The following PKHD1 variants were observed in gnomAD, a reference collection of about 807,000 sequenced individuals.
PKHD1 encodes fibrocystin.
Under a neutral mutation model 412.0 loss-of-function variants are expected in PKHD1, and 291 were observed. That is an observed-to-expected ratio of 0.71 (90% CI 0.64 to 0.78). The LOEUF (loss-of-function observed/expected upper bound fraction) is 0.78, where lower values mean the gene tolerates loss of function less well. Ranked by LOEUF, PKHD1 falls within the 30% of genes least tolerant of loss-of-function variation. The pLI, the probability that PKHD1 is intolerant of heterozygous loss-of-function variation, is 0.00. For missense variants in PKHD1, 4,825 were observed against 4,950.7 expected (o/e 0.97, Z 0.76); for synonymous variants, 1,777 against 1,821.5 (o/e 0.98, Z 0.62).
At chr6:51,679,120 T>C (rs552339952) in intron 60 of PKHD1, among the ~76,000 whole-genome samples, 7 of 152,096 alleles carry the variant, frequency 4.6e-5, no homozygotes, top group Non-Finnish European at 8.8e-5. Flanking sequence ...CTGCGCCATA[T>C]GTGACCATTT....
chr6:51,746,083 T>C (rs528298180), intron 59 of PKHD1, among the ~76,000 whole-genome samples: 102 of 152,322 alleles, frequency 6.7e-4, no homozygotes, highest in Non-Finnish European at 3.7e-4. Flanking sequence ...TCTAACTTTC[T>C]ACTCTCTTTC....
At chr6:51,817,064 C>T (rs955409320) in intron 52 of PKHD1, among the ~76,000 whole-genome samples, 3 of 110,222 alleles carry the variant, frequency 2.7e-5, no homozygotes, top group African/African-American at 1.1e-4. Flanking sequence ...AAGAGAGAGT[C>T]ATGGGGCTTC....
chr6:51,880,756 T>TA (rs1223670663), intron 46 of PKHD1, among the ~76,000 whole-genome samples: 3 of 36,376 alleles, frequency 8.2e-5, no homozygotes, highest in African/African-American at 2.9e-4. Flanking sequence ...CCCTAAAACT[T>TA]AGAGTATAAT....
rs1776849597 is a variant in PKHD1, at chr6:51,682,667, T to A, written c.10157-22698A>T. 1.3e-5 allele frequency among the ~76,000 whole-genome samples: 2 copies of A among 152,042 alleles called. 1 individual carries two copies. Among genetic ancestry groups the A allele is most frequent in the South Asian group, 4.1e-4 (2 of 4,828 alleles). ...GTGAACAGCTTGCCTCTGCTTCTGCTTTTTGGAGGCAGAAAGTGATGGAGA... is the reference window on the plus strand; with the variant it reads ...GTGAACAGCTTGCCTCTGCTTCTGCATTTTGGAGGCAGAAAGTGATGGAGA... On this transcript the variant is annotated intron_variant, in intron 60 of 66. Transcript: ENST00000371117.
intron 52 of PKHD1, among the ~76,000 whole-genome samples, chr6:51,812,479 G>C (rs1288217170): frequency 6.6e-6 from 1 of 152,086 alleles, no homozygotes; most frequent in Non-Finnish European, 1.5e-5. Flanking sequence ...TCCTGCCTTT[G>C]GAATTTAGGT....
In PKHD1 at chr6:51,946,902, G is replaced by A. The variant is rs555771442; in HGVS notation, c.5909-12580C>T. 3.1e-4 allele frequency among the ~76,000 whole-genome samples: 47 copies of A among 152,240 alleles called. 1 individual carries two copies. In the South Asian group the frequency reaches 9.7e-3, roughly 32 times the overall value. Reference sequence around the variant, plus strand: ...CTGCTTTTGGCTAACCCAACAATTAGTCATCCTCTATAATAACCACAAAAT... The same window carrying A: ...CTGCTTTTGGCTAACCCAACAATTAATCATCCTCTATAATAACCACAAAAT... On this transcript the variant is annotated intron_variant, in intron 36 of 66. Coordinates refer to ENST00000371117, the MANE Select transcript of PKHD1 (RefSeq NM_138694.4).
At chr6:51,958,572 A>G (rs1225243684) in intron 36 of PKHD1, among the ~76,000 whole-genome samples, 1 of 152,086 alleles carries the variant, frequency 6.6e-6, no homozygotes, top group Non-Finnish European at 1.5e-5. Context: ...TAGTAATCCA[A>G]GACTTTCAGC....
At chr6:51,873,105 G>A (rs1200555343) in intron 46 of PKHD1, among the ~76,000 whole-genome samples, 1 of 151,862 alleles carries the variant, frequency 6.6e-6, no homozygotes, top group Non-Finnish European at 1.5e-5. Context: ...TTGTTGCTTG[G>A]CATTATCCAC....
rs77486353 is a variant in PKHD1 at position 51,709,385 on chromosome 6, G to A, written c.10156+35000C>T. Among the ~76,000 whole-genome samples the A allele has an allele frequency of 2.8e-3, 420 of 152,250 alleles. 7 individuals carry two copies. Among genetic ancestry groups the A allele is most frequent in the East Asian group, 0.017 (88 of 5,180 alleles). On this transcript the variant is annotated intron_variant, in intron 60 of 66. Transcript: ENST00000371117. ...AACCACACATCCCCATGTTTTTCAGGGCAGTGATGATTTATTCTTGTTGTC... is the reference window on the plus strand; with the variant it reads ...AACCACACATCCCCATGTTTTTCAGAGCAGTGATGATTTATTCTTGTTGTC...
intron 55 of PKHD1, among the ~76,000 whole-genome samples, chr6:51,759,653 G>C (rs1023960391): frequency 4.0e-5 from 6 of 151,050 alleles, no homozygotes; most frequent in East Asian, 1.9e-4. Flanking sequence ...TTGTACTTTC[G>C]ACTTAAAGAG....
At chr6:51,974,558 C>T (rs772953768) in intron 35 of PKHD1, among the ~76,000 whole-genome samples, 2 of 152,110 alleles carry the variant, frequency 1.3e-5, no homozygotes, top group African/African-American at 2.4e-5. Context: ...TGAAGCTTAA[C>T]CTGGATGGAG....
At chr6:51,855,864 C>T (rs1403919715) in intron 49 of PKHD1, 29 bp downstream of exon 49, 18 of 1,530,336 alleles carry the variant, frequency 1.2e-5, no homozygotes, top group Non-Finnish European at 1.6e-5. Context: ...GAGAATGCAG[C>T]ATACCAACTA....
At chr6:51,860,205 G>A (rs568654551) in intron 48 of PKHD1, among the ~76,000 whole-genome samples, 20 of 152,280 alleles carry the variant, frequency 1.3e-4, no homozygotes, top group Middle Eastern at 3.4e-3. Flanking sequence ...TAAGCATTCA[G>A]ATATGCTTTC....
chr6:51,733,944 A>G (rs1356013255), intron 60 of PKHD1, among the ~76,000 whole-genome samples: 2 of 152,240 alleles, frequency 1.3e-5, no homozygotes, highest in African/African-American at 2.4e-5. Flanking sequence ...ATGCATGTGA[A>G]GTGAAGCTGA....
intron 41 of PKHD1, among the ~76,000 whole-genome samples, chr6:51,905,982 T>C (rs1372975216): frequency 1.3e-5 from 2 of 152,186 alleles, no homozygotes; most frequent in Non-Finnish European, 2.9e-5. Flanking sequence ...CTTCCCATTA[T>C]ACACTTATTA....
chr6:52,065,133 TTATATATATATATATATA>T (rs369093047), intron 12 of PKHD1, 83 bp from the exon 13 acceptor site: 17 of 132,272 alleles, frequency 1.3e-4, no homozygotes, highest in South Asian at 3.4e-4. Flanking sequence ...ATATGTATAA[TTATATATATATATATATA>T]TATATATATA....
At chr6:51,661,423 A>C (rs1174696239) in intron 60 of PKHD1, among the ~76,000 whole-genome samples, 2 of 152,018 alleles carry the variant, frequency 1.3e-5, no homozygotes, top group African/African-American at 4.8e-5. Flanking sequence ...GGAACAGAGA[A>C]ATTATGAAGG....
intron 60 of PKHD1, among the ~76,000 whole-genome samples, chr6:51,718,627 T>G (rs1781547283): frequency 6.6e-6 from 1 of 152,206 alleles, no homozygotes; most frequent in South Asian, 2.1e-4. Context: ...CTATGTCACA[T>G]TCATTAAATA....
At position 51,616,713 on chromosome 6, in the gene PKHD1, G is replaced by T; in HGVS notation, c.*2368C>A. On this transcript the variant is annotated 3_prime_UTR_variant, in exon 67 of 67. Coordinates refer to ENST00000371117, the MANE Select transcript of PKHD1 (RefSeq NM_138694.4). ...CACAGGCTTTTCTGGGATGGAATTAGTAAGATAATTATGGTTATTCCTACG... is the reference window on the plus strand; with the variant it reads ...CACAGGCTTTTCTGGGATGGAATTATTAAGATAATTATGGTTATTCCTACG... 2.5e-6 allele frequency: 1 copy of T among 398,394 alleles called. No individual in the cohort carries two copies. Among genetic ancestry groups the T allele is most frequent in the Non-Finnish European group, 4.4e-6 (1 of 225,968 alleles). 24.7% of individuals were successfully genotyped at this position (398,394 alleles called of 1,614,324 possible).
Sources: allele counts gnomAD v4.1 joint callset (sites outside exome capture counted in the v4.1 genomes callset), GRCh38; gene constraint gnomAD v4.1.1; transcripts MANE v1.5; gene names NCBI Gene and HGNC (gene_info 2026-07-23, HGNC 2026-07-21).